Variants in WDR64 observed in about 807,000 individuals in gnomAD.
WDR64 encodes the protein WD repeat-containing protein 64.
WDR64 carries 112 observed loss-of-function variants against 139.3 expected under a neutral mutation model. The ratio of observed to expected loss-of-function variants is 0.80; its 90% CI spans 0.69 to 0.94. WDR64 has a LOEUF of 0.94. WDR64 is among the 40% of genes least tolerant of loss of function. The pLI is 0.00. For synonymous variants in WDR64, 444 were observed against 437.7 expected, an observed-to-expected ratio of 1.01 and a Z score of -0.18; for missense variants, 1,206 against 1,293.1, an observed-to-expected ratio of 0.93 and a Z score of 1.03.
intron 1 of WDR64, among the ~76,000 whole-genome samples, chr1:241,653,841 G>A (rs541239120): frequency 1.3e-5 from 2 of 152,210 alleles, no homozygotes; most frequent in East Asian, 1.9e-4. Flanking sequence ...CACCGTGCCC[G>A]GCCAAAGTCA....
intron 6 of WDR64, among the ~76,000 whole-genome samples, chr1:241,683,252 G>C (rs956518424): frequency 6.6e-6 from 1 of 152,156 alleles, no homozygotes; most frequent in African/African-American, 2.4e-5. Flanking sequence ...TATTGGCCCA[G>C]GGGTAGGCAC....
chr1:241,754,726 C>A lies in WDR64; in HGVS notation c.1771-2557C>A, dbSNP rs556904949. Among the ~76,000 whole-genome samples, 318 of 152,164 alleles carry A rather than the reference C, an allele frequency of 2.1e-3. 2 individuals are homozygous for A. The highest frequency in any genetic ancestry group is 3.6e-3 in the Non-Finnish European group (245 of 68,006). Reference sequence around the variant, plus strand: ...CTAACACCATTGCTCCCCTAGCCCCCCACCCCCTGACAGGCCCCAGTGTGT... The same window carrying A: ...CTAACACCATTGCTCCCCTAGCCCCACACCCCCTGACAGGCCCCAGTGTGT... On this transcript the variant is annotated intron_variant, in intron 14 of 27. Transcript: ENST00000437684.
chr1:241,774,285 T>C (rs1481188387), intron 20 of WDR64, among the ~76,000 whole-genome samples: 4 of 152,218 alleles, frequency 2.6e-5, no homozygotes, highest in African/African-American at 4.8e-5. Context: ...CAGTAGATCC[T>C]AGCTTATTCG....
At chr1:241,683,766 T>C in intron 7 of WDR64, 65 bp downstream of exon 7, 1 of 1,249,800 alleles carries the variant, frequency 8.0e-7, no homozygotes. Context: ...GTAAGCTTTA[T>C]GGTACAAAGT....
chr1:241,665,063 GAGA>G (rs892904272), intron 2 of WDR64, among the ~76,000 whole-genome samples: 4 of 152,166 alleles, frequency 2.6e-5, no homozygotes, highest in African/African-American at 9.6e-5. Context: ...GAGAAGGAGA[GAGA>G]AGAAGAAGAC....
At chr1:241,675,720 C>CT (rs1449963918) in intron 4 of WDR64, among the ~76,000 whole-genome samples, 1 of 152,184 alleles carries the variant, frequency 6.6e-6, no homozygotes, top group Non-Finnish European at 1.5e-5. Flanking sequence ...TTTCACATCT[C>CT]TTTTTTTACA....
At chr1:241,754,657 G>A (rs1421613181) in intron 14 of WDR64, among the ~76,000 whole-genome samples, 1 of 152,004 alleles carries the variant, frequency 6.6e-6, no homozygotes, top group Admixed American at 6.6e-5. Context: ...TGCCATGGTG[G>A]TTTGCTGCAC....
At chr1:241,740,393 G>C (rs1277917873) in intron 11 of WDR64, among the ~76,000 whole-genome samples, 7 of 152,198 alleles carry the variant, frequency 4.6e-5, no homozygotes, top group African/African-American at 1.7e-4. Flanking sequence ...ACATTTCCAT[G>C]TTAAGGTATC....
At chr1:241,749,928 C>CT (rs1270893303) in intron 14 of WDR64, among the ~76,000 whole-genome samples, 1 of 152,182 alleles carries the variant, frequency 6.6e-6, no homozygotes, top group African/African-American at 2.4e-5. Context: ...CCACGGCATG[C>CT]TGCCCATCAA....
intron 2 of WDR64, among the ~76,000 whole-genome samples, chr1:241,669,007 G>A (rs1201397671): frequency 2.6e-5 from 4 of 152,092 alleles, no homozygotes; most frequent in African/African-American, 9.7e-5. Context: ...CTCAATGTAG[G>A]CTTTCCAACG....
In WDR64 at chr1:241,735,855, CTGTGTGTG is replaced by C. The variant is rs59974714; in HGVS notation, c.1195-2480_1195-2473del. Reference sequence around the variant, plus strand: ...TCTCTCTCTCTCTCTCTCTCTCTCTCTGTGTGTGTGTGTGTGTGTGTGTGTGTGTGTGT... The same window carrying C: ...TCTCTCTCTCTCTCTCTCTCTCTCTCTGTGTGTGTGTGTGTGTGTGTGTGT... On this transcript the variant is annotated intron_variant, in intron 10 of 27. Coordinates refer to ENST00000437684, the MANE Select transcript of WDR64 (RefSeq NM_001367482.1). Among the ~76,000 whole-genome samples the C allele has an allele frequency of 5.6e-3, 402 of 71,662 alleles. 2 individuals carry two copies. The highest frequency in any genetic ancestry group is 0.018 in the African/African-American group (376 of 21,170). 47.0% of individuals were successfully genotyped at this position (71,662 alleles called of 152,430 possible). A position where few individuals can be genotyped will look rare whatever the true frequency, so the allele number is the denominator to read the frequency against.
intron 10 of WDR64, among the ~76,000 whole-genome samples, chr1:241,726,530 A>G (rs1411305599): frequency 6.6e-6 from 1 of 152,196 alleles, no homozygotes; most frequent in Non-Finnish European, 1.5e-5. Context: ...GTTGAAAAAG[A>G]GAGATAATTA....
chr1:241,703,946 C>T lies in WDR64; in HGVS notation c.975-7856C>T, dbSNP rs187389320. 1.2e-4 allele frequency among the ~76,000 whole-genome samples: 19 copies of T among 152,270 alleles called. No homozygotes were observed. Among genetic ancestry groups the T allele is most frequent in the East Asian group, 1.9e-4 (1 of 5,186 alleles). The stretch of plus-strand genomic sequence containing the variant: ...CTCACTCACTAACACAAGAACAACA[C>T]GGGAGAAGCCGCCCCCATGAACCAA... On this transcript the variant is annotated intron_variant, in intron 8 of 27. Coordinates refer to ENST00000437684, the MANE Select transcript of WDR64 (RefSeq NM_001367482.1). This position sits in a 1 kb window ranked among gnomAD's most constrained non-coding sequence, Gnocchi z 5.9.
At chr1:241,693,564 G>A (rs1350735714) in intron 8 of WDR64, among the ~76,000 whole-genome samples, 1 of 152,250 alleles carries the variant, frequency 6.6e-6, no homozygotes, top group Non-Finnish European at 1.5e-5. Context: ...TTATAATCTT[G>A]TGTCCATTAT....
intron 14 of WDR64, among the ~76,000 whole-genome samples, chr1:241,752,041 A>C (rs1278337061): frequency 6.6e-6 from 1 of 152,216 alleles, no homozygotes; most frequent in East Asian, 1.9e-4. Context: ...AAAATCATTC[A>C]AATTCTAAAG....
In WDR64 at chr1:241,748,661, C is replaced by T. The variant is rs539680176; in HGVS notation, c.1595-886C>T. 6.6e-5 allele frequency among the ~76,000 whole-genome samples: 10 copies of T among 152,126 alleles called. No homozygotes were observed. In the South Asian group the frequency reaches 1.7e-3, roughly 25 times the overall value. ...TTTAAGTGTAAGAAAAACACTTGGC[C>T]GGGCACGGTGGCTCCTGCCTGTAAT... On this transcript the variant is annotated intron_variant, in intron 13 of 27. Transcript: ENST00000437684.
chr1:241,717,678 TG>T (rs1157941475), intron 9 of WDR64, among the ~76,000 whole-genome samples: 1 of 152,164 alleles, frequency 6.6e-6, no homozygotes, highest in Non-Finnish European at 1.5e-5. Flanking sequence ...TAACTCTTTA[TG>T]AGCCATAATA....
At chr1:241,718,288 T>C (rs759196860) in intron 9 of WDR64, among the ~76,000 whole-genome samples, 2 of 152,002 alleles carry the variant, frequency 1.3e-5, no homozygotes, top group Admixed American at 1.3e-4. Context: ...GAAAGCACAG[T>C]AAAAACACAG....
At chr1:241,724,640 TACAAA>T (rs1232462427) in intron 10 of WDR64, among the ~76,000 whole-genome samples, 1 of 152,186 alleles carries the variant, frequency 6.6e-6, no homozygotes, top group African/African-American at 2.4e-5. Context: ...AAATTTAAAA[TACAAA>T]ACCATAGAAA....
Sources: allele counts gnomAD v4.1 joint callset (sites outside exome capture counted in the v4.1 genomes callset), GRCh38; gene constraint gnomAD v4.1.1; non-coding constraint Gnocchi (gnomAD v3.1); transcripts MANE v1.5; gene names NCBI Gene and HGNC (gene_info 2026-07-23, HGNC 2026-07-21).